TMEM233: variants seen among roughly 807,000 people sequenced by gnomAD.
The protein encoded by TMEM233 is dispanin subfamily B member 2.
TMEM233 carries 6 observed loss-of-function variants against 11.2 expected under a neutral mutation model. That is an observed-to-expected ratio of 0.54 (90% confidence interval 0.29 to 1.06). TMEM233 has a LOEUF of 1.06. Ranked by LOEUF, TMEM233 falls within the 50% of genes least tolerant of loss-of-function variation. The probability of loss-of-function intolerance (pLI) is 0.08; values close to 1 mark genes in which losing one functional copy is unlikely to be tolerated. For missense variants in TMEM233, 127 were observed against 144.7 expected, an observed-to-expected ratio of 0.88 and a Z score of 0.63; for synonymous variants, 59 against 55.8, an observed-to-expected ratio of 1.06 and a Z score of -0.26.
At chr12:119,631,862 T>A (rs1954894074) in intron 2 of TMEM233, among the ~76,000 whole-genome samples, 1 of 152,236 alleles carries the variant, frequency 6.6e-6, no homozygotes, top group Non-Finnish European at 1.5e-5. Flanking sequence ...ACCCACAGAA[T>A]GTGTAGGTTG....
chr12:119,640,521 T>C (rs1356924156), intron 2 of TMEM233, among the ~76,000 whole-genome samples, 178 bp from the exon 3 acceptor site: 1 of 152,184 alleles, frequency 6.6e-6, no homozygotes, highest in Non-Finnish European at 1.5e-5. Context: ...AAATAGAATA[T>C]GTTTCTCAAA....
chr12:119,597,019 T>C (rs1413440916), intron 1 of TMEM233, among the ~76,000 whole-genome samples: 7 of 152,222 alleles, frequency 4.6e-5, no homozygotes, highest in Admixed American at 4.6e-4. Context: ...CAGTGTGTCC[T>C]ACACCCTTCC....
chr12:119,609,562 G>C (rs1336515207), intron 1 of TMEM233, among the ~76,000 whole-genome samples: 1 of 152,176 alleles, frequency 6.6e-6, no homozygotes, highest in Non-Finnish European at 1.5e-5. Flanking sequence ...TATGGGCCCA[G>C]GGCCCCCTGC....
chr12:119,595,914 G>A lies in TMEM233; in HGVS notation c.186+1880G>A, dbSNP rs987730222. ...TAGAATATAAGCTCCATAAGGGCAG[G>A]AATATTTGTTGGTTCCTGTATCTTC... is the stretch of plus-strand genomic sequence containing the variant. On this transcript the variant is annotated intron_variant, in intron 1 of 2. Coordinates refer to ENST00000426426, the MANE Select transcript of TMEM233 (RefSeq NM_001136534.3). This position sits in a 1 kb window ranked among gnomAD's most constrained non-coding sequence, Gnocchi z 4.3. Among the ~76,000 whole-genome samples, 8 of 152,192 alleles carry A rather than the reference G, an allele frequency of 5.3e-5. No homozygotes were observed. Among genetic ancestry groups the A allele is most frequent in the Admixed American group, 3.3e-4 (5 of 15,286 alleles).
the TMEM233 span, among the ~76,000 whole-genome samples, chr12:119,650,261 T>G: frequency 6.6e-6 from 1 of 152,230 alleles, no homozygotes; most frequent in African/African-American, 2.4e-5. Flanking sequence ...TTGATCATTA[T>G]TAACAACCCT....
In TMEM233 at chr12:119,593,885, G is replaced by GCTTT; in HGVS notation, c.38_41dup (p.Leu14PhefsTer11). On this transcript the variant is annotated frameshift_variant, in exon 1 of 3. Transcript: ENST00000426426. LOFTEE classifies it high-confidence loss of function. The surrounding 1 kb of genome is among the most constrained non-coding windows in gnomAD (Gnocchi z 4.1). ...CGCCCCTAGCCCGGACTTCAAGAGGGCTTTGGACAGCAGTCCCGAGGCCAA... is the reference window on the plus strand; with the variant it reads ...CGCCCCTAGCCCGGACTTCAAGAGGGCTTTCTTTGGACAGCAGTCCCGAGGCCAA... The GCTTT allele has an allele frequency of 6.4e-7, 1 of 1,551,736 alleles. No homozygotes were observed.
chr12:119,649,879 C>G, the TMEM233 span, among the ~76,000 whole-genome samples: 1 of 66,416 alleles, frequency 1.5e-5, no homozygotes, highest in Non-Finnish European at 3.4e-5. Context: ...AAAAAAAGGG[C>G]CGGGCGCGTT....
chr12:119,643,321 C>A (rs1368060831), downstream of TMEM233, among the ~76,000 whole-genome samples: 1 of 152,168 alleles, frequency 6.6e-6, no homozygotes. Flanking sequence ...AAATGTGCTC[C>A]TTGGGGTCAA....
intron 1 of TMEM233, among the ~76,000 whole-genome samples, chr12:119,603,904 C>A (rs756074111): frequency 2.0e-5 from 3 of 152,212 alleles, no homozygotes; most frequent in Non-Finnish European, 4.4e-5. Flanking sequence ...GTTCTGCATT[C>A]CTGCCAAAAC....
chr12:119,633,192 C>T (rs1954918473), intron 2 of TMEM233, among the ~76,000 whole-genome samples: 1 of 152,142 alleles, frequency 6.6e-6, no homozygotes, highest in Non-Finnish European at 1.5e-5. Context: ...TTATTAAACT[C>T]TCTGTGCCTC....
At chr12:119,619,998 A>G (rs1283197223) in intron 1 of TMEM233, among the ~76,000 whole-genome samples, 2 of 152,256 alleles carry the variant, frequency 1.3e-5, no homozygotes, top group African/African-American at 4.8e-5. Context: ...AGAAATACGT[A>G]GGATCAATAA....
At chr12:119,618,420 G>A (rs767914537) in intron 1 of TMEM233, among the ~76,000 whole-genome samples, 2 of 152,146 alleles carry the variant, frequency 1.3e-5, no homozygotes, top group African/African-American at 2.4e-5. Context: ...ACCCAGAATG[G>A]TAGATCCATC....
At chr12:119,651,585 G>A in the TMEM233 span, among the ~76,000 whole-genome samples, 1 of 151,852 alleles carries the variant, frequency 6.6e-6, no homozygotes, top group African/African-American at 2.4e-5. Flanking sequence ...TTGGGAGGCA[G>A]AGGTGGGTGG....
At chr12:119,631,643 T>C in intron 2 of TMEM233, 1 of 985,436 alleles carries the variant, frequency 1.0e-6, no homozygotes, top group Non-Finnish European at 1.2e-6. Flanking sequence ...AAGGTGCTTG[T>C]GAACTTGTGA....
downstream of TMEM233, among the ~76,000 whole-genome samples, chr12:119,644,929 G>A (rs1022382500): frequency 1.3e-5 from 2 of 152,202 alleles, no homozygotes; most frequent in South Asian, 2.1e-4. Context: ...GGTGGCAGTA[G>A]TCTAGTGGGG....
In TMEM233 at chr12:119,640,876, C is replaced by G; in HGVS notation, c.*171C>G. The G allele has an allele frequency of 1.7e-6, 1 of 592,970 alleles. No individual in the cohort carries two copies. The highest frequency in any genetic ancestry group is 2.7e-6 in the Non-Finnish European group (1 of 370,410). 36.7% of individuals were successfully genotyped at this position (592,970 alleles called of 1,614,324 possible). On this transcript the variant is annotated 3_prime_UTR_variant, in exon 3 of 3. Transcript: ENST00000426426. ...AACAAGAAAAAAAAAAAAAAAAAGT[C>G]CAAAATTTAGGCAATCCAAGCTGCA...
chr12:119,624,508 G>A lies in TMEM233; in HGVS notation c.187-5228G>A, dbSNP rs1368474222. ...GGAGTATTGTTCATCCTTAAAAGGG[G>A]AAAAAATTCTGACACATACTATAAC... is the stretch of plus-strand genomic sequence containing the variant. On this transcript the variant is annotated intron_variant, in intron 1 of 2. Coordinates refer to ENST00000426426, the MANE Select transcript of TMEM233 (RefSeq NM_001136534.3). 6.6e-5 allele frequency among the ~76,000 whole-genome samples: 10 copies of A among 152,214 alleles called. No homozygotes were observed. In the East Asian group the frequency reaches 1.9e-3, roughly 29 times the overall value.
At chr12:119,597,017 C>T (rs1293266494) in intron 1 of TMEM233, among the ~76,000 whole-genome samples, 1 of 152,164 alleles carries the variant, frequency 6.6e-6, no homozygotes, top group East Asian at 1.9e-4. Context: ...AACAGTGTGT[C>T]CTACACCCTT....
At chr12:119,645,919 G>A (rs1221705464), downstream of TMEM233, among the ~76,000 whole-genome samples, 1 of 152,088 alleles carries the variant, frequency 6.6e-6, no homozygotes, top group Non-Finnish European at 1.5e-5. Context: ...AGTATTGGGA[G>A]GAACTCATAA....
Sources: gnomAD v4.1 joint callset for allele counts (sites outside exome capture counted in the v4.1 genomes callset) on GRCh38, gnomAD v4.1.1 for gene constraint, Gnocchi (gnomAD v3.1) non-coding constraint, MANE v1.5 for transcripts, NCBI Gene and HGNC (gene_info 2026-07-23, HGNC 2026-07-21) for gene names.